Variants in DOCK8 observed in about 807,000 individuals in gnomAD.
DOCK8 encodes dedicator of cytokinesis protein 8.
DOCK8 carries 141 observed loss-of-function variants against 245.6 expected under a neutral mutation model. The ratio of observed to expected loss-of-function variants is 0.57; its 90% CI spans 0.50 to 0.66. The LOEUF (loss-of-function observed/expected upper bound fraction) is 0.66. DOCK8 is among the 30% of genes least tolerant of loss of function. DOCK8 has a pLI of 0.00. For missense variants in DOCK8, 2,965 were observed against 2,603.4 expected (o/e 1.14, Z -3.02); for synonymous variants, 1,168 against 970.2 (o/e 1.20, Z -3.79).
In DOCK8 at chr9:446,431, T is replaced by G; in HGVS notation, c.5642T>G (p.Val1881Gly). ...YFDEYEMKDR[V>G]TYFEKNFNLR... ...GATGAGTATGAGATGAAAGACAGGG[T>G]CACATACTTTGAGAAGAATTTCAAC... The change falls in exon 44 of 48, where the codon GTC (valine) becomes GGC (glycine). Residue 1881 changes from valine to glycine, a missense_variant. Val to Gly is a moderately radical substitution (Grantham distance 109, BLOSUM62 -3). Coordinates refer to ENST00000432829, the MANE Select transcript of DOCK8 (RefSeq NM_203447.4). 1 of 1,614,120 alleles carries G rather than the reference T, an allele frequency of 6.2e-7. No homozygotes were observed. The highest frequency in any genetic ancestry group is 8.5e-7 in the Non-Finnish European group (1 of 1,180,020).
intron 1 of DOCK8, among the ~76,000 whole-genome samples, chr9:255,555 C>A (rs953460174): frequency 6.6e-6 from 1 of 151,070 alleles, no homozygotes; most frequent in Admixed American, 6.6e-5. Flanking sequence ...GTTGTCCCAG[C>A]TACTCGAGAG....
intron 14 of DOCK8, among the ~76,000 whole-genome samples, chr9:360,161 C>T (rs925046621): frequency 6.6e-6 from 1 of 151,748 alleles, no homozygotes; most frequent in South Asian, 2.1e-4. Context: ...ACTAAAAATA[C>T]AAAAATTAGC....
intron 4 of DOCK8, among the ~76,000 whole-genome samples, chr9:290,881 G>T (rs1296478064): frequency 6.6e-6 from 1 of 152,214 alleles, no homozygotes; most frequent in African/African-American, 2.4e-5. Flanking sequence ...CATTGAGTTT[G>T]TGCTGAGGTT....
At chr9:400,881 C>G (rs1436217109) in intron 26 of DOCK8, among the ~76,000 whole-genome samples, 3 of 67,392 alleles carry the variant, frequency 4.5e-5, no homozygotes, top group African/African-American at 3.9e-4. Flanking sequence ...ACCACCACCT[C>G]CACCACCACC....
rs141586983 is a variant in DOCK8, at chr9:334,266, C to A, written c.1167C>A (p.Ser389=). ...AAAAACTAAAACTCCAAGCTGAATC[C>A]TTCTGCCAGCGTTTGGGGAAATACC... ...KIEKLKLQAE[S]FCQRLGKYRM... Residue 389 remains serine (S), a synonymous_variant, in exon 11 of 48, where the codon TCC becomes TCA. Coordinates refer to ENST00000432829, the MANE Select transcript of DOCK8 (RefSeq NM_203447.4). 1 of 1,614,090 alleles carries A rather than the reference C, an allele frequency of 6.2e-7. No individual in the cohort carries two copies. The highest frequency in any genetic ancestry group is 8.5e-7 in the Non-Finnish European group (1 of 1,180,044).
intron 1 of DOCK8, 121 bp downstream of exon 1, chr9:215,150 T>G (rs2046715280): frequency 1.4e-6 from 2 of 1,475,260 alleles, no homozygotes; most frequent in Non-Finnish European, 1.8e-6. Context: ...GGGGCGCGCC[T>G]GAGACCTGGG....
intron 44 of DOCK8, among the ~76,000 whole-genome samples, chr9:447,917 G>A (rs1331921065): frequency 6.6e-6 from 1 of 152,224 alleles, no homozygotes; most frequent in Non-Finnish European, 1.5e-5. Flanking sequence ...GCCATCTGCT[G>A]TACTTCCTAT....
At chr9:249,217 C>T (rs1226286960) in intron 1 of DOCK8, among the ~76,000 whole-genome samples, 1 of 152,202 alleles carries the variant, frequency 6.6e-6, no homozygotes, top group Admixed American at 6.5e-5. Context: ...CTGGGGGACA[C>T]CACTTCCTTC....
chr9:427,130 A>G lies in DOCK8; in HGVS notation c.4338+149A>G, dbSNP rs2056533140. On this transcript the variant is annotated intron_variant, in intron 34 of 47. Transcript: ENST00000432829. ...GAAGTTGAGAAGTTTACTATTTACAACAGTGTCTACCTTATAAATTCCAGA... is the reference window on the plus strand; with the variant it reads ...GAAGTTGAGAAGTTTACTATTTACAGCAGTGTCTACCTTATAAATTCCAGA... The G allele has an allele frequency of 1.3e-5, 9 of 709,818 alleles. No individual in the cohort carries two copies. In the East Asian group the frequency reaches 1.9e-4, roughly 15 times the overall value. 44.0% of individuals were successfully genotyped at this position (709,818 alleles called of 1,614,324 possible).
At chr9:398,522 A>G (rs908345207) in intron 25 of DOCK8, among the ~76,000 whole-genome samples, 2 of 152,188 alleles carry the variant, frequency 1.3e-5, no homozygotes, top group Non-Finnish European at 2.9e-5. Context: ...TCCCTCATAA[A>G]CAGGAGCACT....
At position 368,149 on chromosome 9, in the gene DOCK8, C is replaced by T. The variant is rs746462558; in HGVS notation, c.1797+14C>T. The T allele has an allele frequency of 1.9e-5, 30 of 1,603,178 alleles. No homozygotes were observed. Among genetic ancestry groups the T allele is most frequent in the East Asian group, 1.1e-4 (5 of 44,852 alleles). On this transcript the variant is annotated intron_variant, in intron 15 of 47. Transcript: ENST00000432829. ...AATGCGATGCCGGTAAGGAGGGAAA[C>T]GAACATTTGCCTCAAATCAGGGTGG...
chr9:229,800 G>A (rs1026132261), intron 1 of DOCK8, among the ~76,000 whole-genome samples: 1 of 152,068 alleles, frequency 6.6e-6, no homozygotes, highest in Non-Finnish European at 1.5e-5. Flanking sequence ...AATTAGGATT[G>A]CTTTTAGCTG....
intron 36 of DOCK8, 112 bp downstream of exon 36, chr9:429,966 C>A: frequency 1.5e-6 from 2 of 1,329,960 alleles, no homozygotes; most frequent in South Asian, 1.3e-5. Flanking sequence ...TTACTTCTGT[C>A]CTGTGAGAAA....
At chr9:325,137 A>G (rs1005898549) in intron 7 of DOCK8, among the ~76,000 whole-genome samples, 1 of 1,998 alleles carries the variant, frequency 5.0e-4, no homozygotes, top group Non-Finnish European at 1.1e-3. Flanking sequence ...TGCAAAAGAC[A>G]TTAATTATTT....
chr9:240,625 A>C (rs1424242213), intron 1 of DOCK8, among the ~76,000 whole-genome samples: 3 of 152,156 alleles, frequency 2.0e-5, no homozygotes, highest in Non-Finnish European at 4.4e-5. Flanking sequence ...CTTATATTTA[A>C]GTCTGATATT....
intron 14 of DOCK8, among the ~76,000 whole-genome samples, chr9:353,855 G>A (rs2052294643): frequency 6.6e-6 from 1 of 152,100 alleles, no homozygotes; most frequent in African/African-American, 2.4e-5. Context: ...GTTTGTACTA[G>A]GTACTTTTTA....
At chr9:309,053 T>A (rs2049979623) in intron 5 of DOCK8, among the ~76,000 whole-genome samples, 1 of 152,264 alleles carries the variant, frequency 6.6e-6, no homozygotes, top group Non-Finnish European at 1.5e-5. Context: ...TTACTTCTAT[T>A]GTTTTGCTAT....
At position 386,398 on chromosome 9, in the gene DOCK8, C is replaced by A. The variant is rs1280514546; in HGVS notation, c.2846C>A (p.Pro949His). ...CSGSSDAPSS[P>H]AAPRPASKKH... ...GGCAGTAGTGATGCTCCAAGTTCACCTGCAGCCCCAAGGCCAGCCAGCAAA... is the reference window on the plus strand; with the variant it reads ...GGCAGTAGTGATGCTCCAAGTTCACATGCAGCCCCAAGGCCAGCCAGCAAA... Residue 949 changes from proline (P) to histidine (H), a missense_variant, in exon 23 of 48, where the codon CCT becomes CAT. Around this residue, in one of 3 missense-constraint regions of DOCK8, gnomAD observed 2,825 missense variants for 2,453.5 expected, o/e 1.15. Coordinates refer to ENST00000432829, the MANE Select transcript of DOCK8 (RefSeq NM_203447.4). 1.2e-6 allele frequency: 2 copies of A among 1,613,728 alleles called. No homozygotes were observed. The highest frequency in any genetic ancestry group is 1.7e-6 in the Non-Finnish European group (2 of 1,179,872).
intron 30 of DOCK8, among the ~76,000 whole-genome samples, chr9:418,672 A>C (rs2056141389): frequency 6.6e-6 from 1 of 152,218 alleles, no homozygotes; most frequent in Non-Finnish European, 1.5e-5. Context: ...GCTGAGGTGC[A>C]CACAAGTCAG....
Sources: allele counts gnomAD v4.1 joint callset (sites outside exome capture counted in the v4.1 genomes callset), GRCh38; gene constraint gnomAD v4.1.1; regional missense constraint gnomAD v4.1.1; transcripts MANE v1.5; gene names NCBI Gene and HGNC (gene_info 2026-07-23, HGNC 2026-07-21).